The following ANKRD17 variants were observed in gnomAD, a reference collection of about 807,000 sequenced individuals.
The protein encoded by ANKRD17 is ankyrin repeat domain 17, also known as ankyrin repeat domain-containing protein 17.
Under a neutral mutation model 229.7 loss-of-function variants are expected in ANKRD17, and 19 were observed. The observed-to-expected ratio is 0.08, with a 90% confidence interval of 0.06 to 0.12. The LOEUF is 0.12. ANKRD17 is among the 10% of genes least tolerant of loss of function. The probability of loss-of-function intolerance (pLI) is 1.00; values close to 1 mark genes in which losing one functional copy is unlikely to be tolerated. For missense variants in ANKRD17, 2,176 were observed against 3,176.8 expected, an observed-to-expected ratio of 0.68 and a Z score of 7.57; for synonymous variants, 1,112 against 1,146.1, an observed-to-expected ratio of 0.97 and a Z score of 0.60.
chr4:73,134,467 C>T lies in ANKRD17; in HGVS notation c.3234+650G>A, dbSNP rs141910366. The stretch of plus-strand genomic sequence containing the variant: ...CTTAACTTTTCTTCAGGATAAAACA[C>T]GCACTATTCTCTCCAATCTCACCTT... On this transcript the variant is annotated intron_variant, in intron 16 of 33. Coordinates refer to ENST00000358602, the MANE Select transcript of ANKRD17 (RefSeq NM_032217.5). Among the ~76,000 whole-genome samples the T allele has an allele frequency of 1.6e-3, 240 of 152,248 alleles. 1 individual carries two copies. Among genetic ancestry groups the T allele is most frequent in the African/African-American group, 5.1e-3 (211 of 41,548 alleles).
intron 4 of ANKRD17, 78 bp downstream of exon 4, chr4:73,155,941 A>T: frequency 6.6e-7 from 1 of 1,511,896 alleles, no homozygotes; most frequent in Non-Finnish European, 8.8e-7. Flanking sequence ...GGTTGGAAGG[A>T]TTTATTTTAT....
chr4:73,100,872 T>C, intron 25 of ANKRD17: 2 of 985,306 alleles, frequency 2.0e-6, no homozygotes, highest in Non-Finnish European at 2.4e-6. Flanking sequence ...TGCATGCACA[T>C]ATTTTTGGTG....
chr4:73,183,597 CGGAGTAGCT>C (rs1439900865), intron 1 of ANKRD17, among the ~76,000 whole-genome samples: 1 of 151,934 alleles, frequency 6.6e-6, no homozygotes, highest in Non-Finnish European at 1.5e-5. Flanking sequence ...CTTCAGCCTC[CGGAGTAGCT>C]GGAAATACAG....
intron 29 of ANKRD17, among the ~76,000 whole-genome samples, 171 bp from the exon 30 acceptor site, chr4:73,085,617 G>A (rs1348316568): frequency 6.6e-6 from 1 of 151,578 alleles, no homozygotes; most frequent in Admixed American, 6.6e-5. Flanking sequence ...GGGAGGCCAA[G>A]GTGGGAGGAC....
At chr4:73,139,327 C>T (rs1030063321) in intron 15 of ANKRD17, among the ~76,000 whole-genome samples, 13 of 152,200 alleles carry the variant, frequency 8.5e-5, no homozygotes, top group Non-Finnish European at 1.5e-4. Flanking sequence ...CAGAAAGCTT[C>T]AGTCATTTGT....
Position 73,077,390 on chromosome 4 carries a change from C to T in ANKRD17, c.7552G>A (p.Val2518Ile), listed in dbSNP as rs1246836940. 9.9e-6 allele frequency: 16 copies of T among 1,613,150 alleles called. No homozygotes were observed. The highest frequency in any genetic ancestry group is 2.2e-5 in the South Asian group (2 of 90,844). The change falls in exon 32 of 34, where the codon GTT (valine) becomes ATT (isoleucine). Residue 2518 changes from valine (V) to isoleucine (I), a missense_variant. By Grantham distance (29) the Val-to-Ile change is conservative (BLOSUM62 3). This residue lies in a region of ANKRD17 where 159 missense variants were observed against 214.3 expected (regional missense o/e 0.74). Coordinates refer to ENST00000358602, the MANE Select transcript of ANKRD17 (RefSeq NM_032217.5). Reference sequence around the variant, plus strand: ...GGAAAGTCCATGTAGCCTGCAGGAACATGCTGATGGAATGTACCAGAAGGA... The same window carrying T: ...GGAAAGTCCATGTAGCCTGCAGGAATATGCTGATGGAATGTACCAGAAGGA... ...VTPSGTFHQH[V>I]PAGYMDFPKV...
chr4:73,206,439 A>AGG (rs1343676292), intron 1 of ANKRD17, among the ~76,000 whole-genome samples: 28 of 151,998 alleles, frequency 1.8e-4, no homozygotes, highest in African/African-American at 6.8e-4. Context: ...AGAGAGAGAG[A>AGG]GAGAGAGAGA....
At chr4:73,246,337 G>C (rs1011404692) in intron 1 of ANKRD17, among the ~76,000 whole-genome samples, 5 of 152,058 alleles carry the variant, frequency 3.3e-5, no homozygotes, top group African/African-American at 4.8e-5. Flanking sequence ...CAATGGGTTG[G>C]GTGAAAAGAG....
rs776458263 is a variant in ANKRD17 at position 73,092,034 on chromosome 4, G to A, written c.5594C>T (p.Thr1865Ile). 1.2e-6 allele frequency: 2 copies of A among 1,614,214 alleles called. No individual in the cohort carries two copies. The highest frequency in any genetic ancestry group is 1.7e-6 in the Non-Finnish European group (2 of 1,180,042). ...CACATTATTCACTGGGTTCTTAATGGTTTTGTGAGTGGATGCAGAAGAAAT... is the reference window on the plus strand; with the variant it reads ...CACATTATTCACTGGGTTCTTAATGATTTTGTGAGTGGATGCAGAAGAAAT... The part of the protein sequence containing the change: ...PAISSASTHK[T>I]IKNPVNNVRP... The change falls in exon 29 of 34, where the codon ACC (threonine) becomes ATC (isoleucine). Residue 1865 changes from threonine (T) to isoleucine (I), a missense_variant. Physicochemically the swap from Thr to Ile is moderately conservative, Grantham distance 89 (BLOSUM62 -1). Transcript: ENST00000358602.
intron 1 of ANKRD17, among the ~76,000 whole-genome samples, chr4:73,188,507 C>T (rs1736598869): frequency 6.6e-6 from 1 of 152,042 alleles, no homozygotes; most frequent in East Asian, 1.9e-4. Context: ...ATTGCTTGAA[C>T]CCGGGAGGCA....
intron 27 of ANKRD17, among the ~76,000 whole-genome samples, chr4:73,095,183 GA>G (rs1380708220): frequency 5.3e-5 from 8 of 151,724 alleles, no homozygotes; most frequent in African/African-American, 1.9e-4. Context: ...CAGGAAAAAA[GA>G]AAAAATATTC....
chr4:73,078,407 G>A (rs572864653), intron 31 of ANKRD17, among the ~76,000 whole-genome samples: 9 of 151,804 alleles, frequency 5.9e-5, no homozygotes, highest in African/African-American at 1.2e-4. Context: ...GCATGGTGGC[G>A]CATGCCTGTA....
intron 1 of ANKRD17, among the ~76,000 whole-genome samples, chr4:73,257,957 A>G (rs1459131878): frequency 6.8e-6 from 1 of 146,572 alleles, no homozygotes; most frequent in Admixed American, 6.8e-5. Flanking sequence ...CCCCAGGCAG[A>G]CCACCCCCCC....
Position 73,258,435 on chromosome 4 carries a change from C to A in ANKRD17, c.234G>T (p.Arg78=). The A allele has an allele frequency of 6.2e-7, 1 of 1,609,948 alleles. No individual in the cohort carries two copies. The highest frequency in any genetic ancestry group is 1.7e-5 in the Admixed American group (1 of 59,752). ...QQQHHKAKRN[R]TCRPPSSSES... Reference sequence around the variant, plus strand: ...CGCTGCTGCTGGGGGGTCGGCAAGTCCGGTTACGCTTGGCCTTGTGGTGCT... The same window carrying A: ...CGCTGCTGCTGGGGGGTCGGCAAGTACGGTTACGCTTGGCCTTGTGGTGCT... Residue 78 remains arginine (R), a synonymous_variant, in exon 1 of 34, where the codon CGG becomes CGT. Coordinates refer to ENST00000358602, the MANE Select transcript of ANKRD17 (RefSeq NM_032217.5).
At chr4:73,225,153 C>A (rs1028683750) in intron 1 of ANKRD17, among the ~76,000 whole-genome samples, 5 of 152,130 alleles carry the variant, frequency 3.3e-5, no homozygotes, top group Admixed American at 2.0e-4. Context: ...TTCCTGCCTC[C>A]CAGGTCAATT....
In ANKRD17 at chr4:73,091,633, A is replaced by C; in HGVS notation, c.5995T>G (p.Phe1999Val). Residue 1999 changes from phenylalanine (F) to valine (V), a missense_variant, in exon 29 of 34, where the codon TTT becomes GTT. Phe to Val is a conservative substitution (Grantham distance 50). This residue lies in a region of ANKRD17 where 424 missense variants were observed against 454.0 expected (regional missense o/e 0.93). Transcript: ENST00000358602. ...PSSPSVRRQL[F>V]VTVVKTSNAT... is the part of the protein sequence containing the mutation. ...TTGGATGTCTTCACAACTGTGACAA[A>C]AAGCTGCCTTCGGACAGAAGGTGAA... is the stretch of plus-strand genomic sequence containing the variant. The C allele has an allele frequency of 6.2e-7, 1 of 1,614,202 alleles. No homozygotes were observed. The highest frequency in any genetic ancestry group is 8.5e-7 in the Non-Finnish European group (1 of 1,180,038).
At chr4:73,113,245 A>C in intron 24 of ANKRD17, 3 of 1,289,432 alleles carry the variant, frequency 2.3e-6, no homozygotes, top group Non-Finnish European at 3.0e-6. Flanking sequence ...AAGACTGTCC[A>C]AACTATATGC....
At chr4:73,116,898 T>G (rs1219639123) in intron 22 of ANKRD17, among the ~76,000 whole-genome samples, 1 of 151,978 alleles carries the variant, frequency 6.6e-6, no homozygotes, top group Non-Finnish European at 1.5e-5. Flanking sequence ...TAGCCCACAG[T>G]TGCACATGTT....
Position 73,092,896 on chromosome 4 carries a change from T to C in ANKRD17, c.5328-596A>G, listed in dbSNP as rs550654165. ...TCTTAAAATGATGCAGGAATCCTGATAGTGCCAAAAATAGCCATATAAAAC... is the reference window on the plus strand; with the variant it reads ...TCTTAAAATGATGCAGGAATCCTGACAGTGCCAAAAATAGCCATATAAAAC... On this transcript the variant is annotated intron_variant, in intron 28 of 33. Coordinates refer to ENST00000358602, the MANE Select transcript of ANKRD17 (RefSeq NM_032217.5). Among the ~76,000 whole-genome samples, 115 of 152,318 alleles carry C rather than the reference T, an allele frequency of 7.5e-4. 1 individual carries two copies. Among genetic ancestry groups the C allele is most frequent in the Admixed American group, 1.8e-3 (28 of 15,300 alleles).
Sources: gnomAD v4.1 joint callset for allele counts (sites outside exome capture counted in the v4.1 genomes callset) on GRCh38, gnomAD v4.1.1 for gene constraint, gnomAD v4.1.1 regional missense constraint, MANE v1.5 for transcripts, NCBI Gene and HGNC (gene_info 2026-07-23, HGNC 2026-07-21) for gene names.